MVP: variants seen among roughly 807,000 people sequenced by gnomAD.
The protein encoded by MVP is major vault protein.
A neutral mutation model predicts 83.5 loss-of-function variants in MVP; 62 were observed. The observed-to-expected ratio is 0.74, with a 90% CI of 0.61 to 0.92. The LOEUF (loss-of-function observed/expected upper bound fraction) is 0.92. MVP is among the 40% of genes least tolerant of loss of function. The probability of loss-of-function intolerance (pLI) is 0.00; values close to 1 mark genes in which losing one functional copy is unlikely to be tolerated. For synonymous variants in MVP, 505 were observed against 504.1 expected, an observed-to-expected ratio of 1.00 and a Z score of -0.02; for missense variants, 1,000 against 1,203.4, an observed-to-expected ratio of 0.83 and a Z score of 2.50.
Position 29,847,866 on chromosome 16 carries a change from C to G in MVP, c.2559C>G (p.Pro853=), listed in dbSNP as rs773636231. The change falls in exon 15 of 15, where the codon CCC becomes CCG. Residue 853 remains proline, a synonymous_variant. Transcript: ENST00000357402. The part of the protein sequence containing the change: ...NTAFGLLGMG[P]EGQPLGRRVA... ...CCTTTGGGCTGCTGGGGATGGGGCCCGAGGGTCAGCCCCTGGGCAGAAGGG... is the reference window on the plus strand; with the variant it reads ...CCTTTGGGCTGCTGGGGATGGGGCCGGAGGGTCAGCCCCTGGGCAGAAGGG... 2.5e-6 allele frequency: 4 copies of G among 1,614,036 alleles called. No individual in the cohort carries two copies. The Admixed American group carries it at 5.0e-5, about 20-fold the overall frequency.
intron 5 of MVP, chr16:29,834,869 A>AT (rs61591338): frequency 0.12 from 10,453 of 89,044 alleles, 617 homozygotes; most frequent in African/African-American, 0.13. Flanking sequence ...TTTTTTTTGT[A>AT]TTTTTTTTTT....
At position 29,840,243 on chromosome 16, in the gene MVP, G is replaced by A. The variant is rs1406535749; in HGVS notation, c.975G>A (p.Val325=). 1.2e-6 allele frequency: 2 copies of A among 1,613,908 alleles called. No individual in the cohort carries two copies. Among genetic ancestry groups the A allele is most frequent in the Non-Finnish European group, 1.7e-6 (2 of 1,180,018 alleles). ...AACAAGGCATCCAGGATGTGTATGT[G>A]CTGTCGGAGCAGCAGGGGCTGCTGC... is the stretch of plus-strand genomic sequence containing the variant. ...QLEQGIQDVY[V]LSEQQGLLLR... is the part of the protein sequence containing the mutation. The change falls in exon 8 of 15, where the codon GTG becomes GTA. Residue 325 remains valine (V), a synonymous_variant. Transcript: ENST00000357402.
chr16:29,836,843 A>AG lies in MVP; in HGVS notation c.796dup (p.Glu266GlyfsTer81). The AG allele has an allele frequency of 6.2e-7, 1 of 1,613,984 alleles. No homozygotes were observed. The highest frequency in any genetic ancestry group is 8.5e-7 in the Non-Finnish European group (1 of 1,179,992). On this transcript the variant is annotated frameshift_variant, in exon 7 of 15. Transcript: ENST00000357402. LOFTEE classifies it high-confidence loss of function. ...GAGGCCCACGTGCCAGATGTCCACG[A>AG]GGAGGTGCTGGGGGTTGTGCCCATC... is the stretch of plus-strand genomic sequence containing the variant.
chr16:29,831,190 C>A, intron 3 of MVP, 117 bp downstream of exon 3: 2 of 1,043,052 alleles, frequency 1.9e-6, no homozygotes, highest in Non-Finnish European at 1.3e-6. Flanking sequence ...GAGTTTCACT[C>A]TTGTCGCCCA....
intron 3 of MVP, 183 bp from the exon 4 acceptor site, chr16:29,833,550 T>A: frequency 2.0e-6 from 1 of 495,906 alleles, no homozygotes; most frequent in Non-Finnish European, 3.4e-6. Context: ...GGTCAAGCAA[T>A]CCTCCTACCT....
At chr16:29,826,982 A>G (rs2067409044) in intron 1 of MVP, among the ~76,000 whole-genome samples, 1 of 151,780 alleles carries the variant, frequency 6.6e-6, no homozygotes, top group South Asian at 2.1e-4. Context: ...GGACTCTAGG[A>G]AGTCGTCTTT....
chr16:29,829,034 G>A (rs2067422502), intron 1 of MVP, among the ~76,000 whole-genome samples: 1 of 150,692 alleles, frequency 6.6e-6, no homozygotes, highest in African/African-American at 2.5e-5. Flanking sequence ...TTCACCTGGG[G>A]TTGGAGGCTG....
chr16:29,822,793 C>T (rs1333140071), intron 1 of MVP: 1 of 152,298 alleles, frequency 6.6e-6, no homozygotes, highest in Non-Finnish European at 1.5e-5. Flanking sequence ...TCTCGACTCA[C>T]TGCAACCTCT....
Position 29,841,889 on chromosome 16 carries a change from G to C in MVP, c.1437-26G>C. On this transcript the variant is annotated intron_variant, in intron 9 of 14. Transcript: ENST00000357402. The surrounding 1 kb of genome is among the most constrained non-coding windows in gnomAD (Gnocchi z 4.7). ...TAGGGGGTGGCTCTCCATGGGTCTGGCTCTGACCCTCGGCTGTCTCTGCAG... is the reference window on the plus strand; with the variant it reads ...TAGGGGGTGGCTCTCCATGGGTCTGCCTCTGACCCTCGGCTGTCTCTGCAG... 6.2e-7 allele frequency: 1 copy of C among 1,610,706 alleles called. No individual in the cohort carries two copies. Among genetic ancestry groups the C allele is most frequent in the East Asian group, 2.2e-5 (1 of 44,864 alleles).
chr16:29,825,410 T>C (rs1330228685), intron 1 of MVP, among the ~76,000 whole-genome samples: 1 of 152,206 alleles, frequency 6.6e-6, no homozygotes, highest in East Asian at 1.9e-4. Flanking sequence ...TAACTGCGCA[T>C]GTCATCTGGA....
At chr16:29,838,822 TG>T (rs910397913) in intron 7 of MVP, among the ~76,000 whole-genome samples, 3 of 152,144 alleles carry the variant, frequency 2.0e-5, no homozygotes, top group African/African-American at 7.2e-5. Context: ...AGTGAGATCC[TG>T]TCTCTAGGAA....
chr16:29,845,831 CCAGCCTCT>C (rs936065531), intron 11 of MVP, 24 bp from the exon 12 acceptor site: 2 of 1,599,408 alleles, frequency 1.3e-6, no homozygotes, highest in Non-Finnish European at 1.7e-6. Flanking sequence ...TGGCCCCATG[CCAGCCTCT>C]CACCTGCGCT....
chr16:29,832,292 CTTTTTTTTTT>C (rs36059297), intron 3 of MVP, among the ~76,000 whole-genome samples: 21 of 107,310 alleles, frequency 2.0e-4, no homozygotes, highest in Admixed American at 5.0e-4. Flanking sequence ...ATTCTTGTAC[CTTTTTTTTTT>C]TTTTTTTTTT....
chr16:29,834,112 C>T (rs1185753256), intron 5 of MVP, 46 bp downstream of exon 5: 42 of 1,598,134 alleles, frequency 2.6e-5, no homozygotes, highest in Non-Finnish European at 3.4e-5. Context: ...AGGAGGGGTC[C>T]CCACTGCAGG....
intron 3 of MVP, chr16:29,831,590 C>G (rs2067442718): frequency 2.2e-6 from 1 of 456,054 alleles, no homozygotes. Flanking sequence ...CCACACATGC[C>G]CCAAACACAC....
chr16:29,831,509 C>G (rs1048782450), intron 3 of MVP: 8 of 436,272 alleles, frequency 1.8e-5, no homozygotes, highest in African/African-American at 1.6e-4. Context: ...TGGGGAGAGA[C>G]ACTTGCTGGC....
In MVP at chr16:29,836,094, C is replaced by T. The variant is rs561812197; in HGVS notation, c.672+296C>T. Among the ~76,000 whole-genome samples the T allele has an allele frequency of 1.1e-3, 160 of 151,610 alleles. 1 individual carries two copies. Among genetic ancestry groups the T allele is most frequent in the African/African-American group, 3.6e-3 (147 of 41,308 alleles). On this transcript the variant is annotated intron_variant, in intron 6 of 14. Transcript: ENST00000357402. ...CAGCCTGGGCAACACAGTGAGAACT[C>T]ATCGCTACAAAAAATTTAAAAATTA...
chr16:29,836,577 T>TAAAA (rs35835626), intron 6 of MVP, 145 bp from the exon 7 acceptor site: 2,752 of 578,002 alleles, frequency 4.8e-3, no homozygotes, highest in South Asian at 7.2e-3. Context: ...GACTCCGATT[T>TAAAA]AAAAAAAAAA....
rs763528984 is a variant in MVP at position 29,840,461 on chromosome 16, T to TAATG, written c.1191+3_1191+6dup. The TAATG allele has an allele frequency of 1.3e-6, 2 of 1,564,828 alleles. No homozygotes were observed. The highest frequency in any genetic ancestry group is 2.4e-5 in the South Asian group (2 of 85,104). ...GTGCAGGATGTCAAGACCGGAAAGGTAATGGCTGGGAGTGAGCAGCAGTGC... is the reference window on the plus strand; with the variant it reads ...GTGCAGGATGTCAAGACCGGAAAGGTAATGAATGGCTGGGAGTGAGCAGCAGTGC... On this transcript the variant is annotated splice_region_variant and intron_variant, in intron 8 of 14. Coordinates refer to ENST00000357402, the MANE Select transcript of MVP (RefSeq NM_005115.5).
Sources: allele counts gnomAD v4.1 joint callset (sites outside exome capture counted in the v4.1 genomes callset), GRCh38; gene constraint gnomAD v4.1.1; non-coding constraint Gnocchi (gnomAD v3.1); transcripts MANE v1.5; gene names NCBI Gene and HGNC (gene_info 2026-07-23, HGNC 2026-07-21).